The following SOCS7 variants were observed in gnomAD, a reference collection of about 807,000 sequenced individuals.
SOCS7 encodes the protein NAP-4.
SOCS7 carries 18 observed loss-of-function variants against 58.9 expected under a neutral mutation model. The observed-to-expected ratio is 0.31, with a 90% CI of 0.21 to 0.45. SOCS7 has a LOEUF of 0.45. Ranked by LOEUF, SOCS7 falls within the 20% of genes least tolerant of loss-of-function variation. The pLI is 1.00. For missense variants in SOCS7, 667 were observed against 837.3 expected, an observed-to-expected ratio of 0.80 and a Z score of 2.51; for synonymous variants, 388 against 364.3, an observed-to-expected ratio of 1.06 and a Z score of -0.74.
chr17:38,359,598 TTGG>T (rs2037687706), intron 1 of SOCS7, among the ~76,000 whole-genome samples: 2 of 152,090 alleles, frequency 1.3e-5, no homozygotes, highest in Non-Finnish European at 2.9e-5. Flanking sequence ...CCCCTCTCTA[TTGG>T]TGCAGTTTAT....
intron 7 of SOCS7, among the ~76,000 whole-genome samples, chr17:38,389,881 A>ATATGTG (rs2038139599): frequency 9.6e-6 from 1 of 103,630 alleles, no homozygotes; most frequent in East Asian, 2.6e-4. Context: ...ATATATATAT[A>ATATGTG]TGTACATATA....
chr17:38,381,946 CAAAAA>C (rs55949628), intron 7 of SOCS7, among the ~76,000 whole-genome samples: 4 of 17,672 alleles, frequency 2.3e-4, no homozygotes, highest in Non-Finnish European at 3.4e-4. Flanking sequence ...GACTCTGTCT[CAAAAA>C]AAAAAAAAAA....
chr17:38,355,349 A>C (rs1402149780), intron 1 of SOCS7, among the ~76,000 whole-genome samples: 1 of 152,194 alleles, frequency 6.6e-6, no homozygotes, highest in African/African-American at 2.4e-5. Flanking sequence ...AAGATAAGTA[A>C]TAGGACTGAG....
At chr17:38,367,090 G>A (rs765563972) in intron 5 of SOCS7, among the ~76,000 whole-genome samples, 1 of 152,102 alleles carries the variant, frequency 6.6e-6, no homozygotes, top group Non-Finnish European at 1.5e-5. Flanking sequence ...TTGAGACTGA[G>A]TTTCGCTCTT....
intron 1 of SOCS7, among the ~76,000 whole-genome samples, chr17:38,360,893 T>C (rs1027607420): frequency 6.6e-6 from 1 of 152,250 alleles, no homozygotes; most frequent in Non-Finnish European, 1.5e-5. Flanking sequence ...GAGGTGAGTT[T>C]TTTTGGTTTA....
chr17:38,354,344 C>T (rs1396790105), intron 1 of SOCS7, among the ~76,000 whole-genome samples: 1 of 152,114 alleles, frequency 6.6e-6, no homozygotes, highest in Non-Finnish European at 1.5e-5. Context: ...TTTTGAAAAG[C>T]CTAAGAGTTT....
Position 38,352,962 on chromosome 17 carries a change from G to A in SOCS7, c.910G>A (p.Glu304Lys). 6.2e-7 allele frequency: 1 copy of A among 1,607,784 alleles called. No individual in the cohort carries two copies. The highest frequency in any genetic ancestry group is 2.2e-5 in the East Asian group (1 of 44,756). ...GDGTGKRPSGELAASAASLTD... is the reference protein window; with the variant it reads ...GDGTGKRPSGKLAASAASLTD... ...TGGGACCGGCAAGAGGCCTTCTGGA[G>A]AGCTGGCTGCTTCAGCTGCGAGCCT... Residue 304 changes from glutamate to lysine, a missense_variant, in exon 1 of 10, where the codon GAG becomes AAG. Coordinates refer to ENST00000612932, the MANE Select transcript of SOCS7 (RefSeq NM_014598.4). The surrounding 1 kb of genome is among the most constrained non-coding windows in gnomAD (Gnocchi z 5.5).
intron 6 of SOCS7, among the ~76,000 whole-genome samples, chr17:38,377,155 T>C (rs1478640881): frequency 6.6e-6 from 1 of 152,234 alleles, no homozygotes; most frequent in Non-Finnish European, 1.5e-5. Context: ...ATATACATAA[T>C]AAGTACATCT....
chr17:38,364,679 T>C (rs942611952), intron 2 of SOCS7, 73 bp from the exon 3 acceptor site: 1 of 1,263,914 alleles, frequency 7.9e-7, no homozygotes, highest in Non-Finnish European at 1.2e-6. Flanking sequence ...GCTTGCCCTT[T>C]GCTTCCCTTT....
At chr17:38,353,531 A>C (rs1328703317) in intron 1 of SOCS7, among the ~76,000 whole-genome samples, 1 of 152,140 alleles carries the variant, frequency 6.6e-6, no homozygotes, top group Non-Finnish European at 1.5e-5. Flanking sequence ...CCTCTATTCA[A>C]AGTTTTACTG....
chr17:38,384,355 G>A (rs2038040432), intron 7 of SOCS7, among the ~76,000 whole-genome samples: 1 of 152,140 alleles, frequency 6.6e-6, no homozygotes. Flanking sequence ...TCAGGCTGGA[G>A]TACAGTAGTG....
chr17:38,359,455 G>T (rs144987870), intron 1 of SOCS7, among the ~76,000 whole-genome samples: 851 of 152,294 alleles, frequency 5.6e-3, no homozygotes, highest in Admixed American at 9.0e-3. Context: ...GATCTTCATG[G>T]TATGGTTTTA....
intron 1 of SOCS7, among the ~76,000 whole-genome samples, chr17:38,353,799 G>A (rs567199874): frequency 5.3e-5 from 8 of 152,218 alleles, no homozygotes; most frequent in African/African-American, 1.9e-4. Flanking sequence ...AAAATTAGGC[G>A]GGAGTGGTCC....
At chr17:38,353,276 G>T (rs1320200691) in intron 1 of SOCS7, among the ~76,000 whole-genome samples, 2 of 152,152 alleles carry the variant, frequency 1.3e-5, no homozygotes, top group African/African-American at 4.8e-5. Flanking sequence ...GTTGGAAGAT[G>T]GTTTCAGACC....
intron 4 of SOCS7, chr17:38,365,946 GGCT>G (rs2037783414): frequency 9.4e-7 from 1 of 1,064,390 alleles, no homozygotes; most frequent in Non-Finnish European, 1.1e-6. Flanking sequence ...CTATTTCCAA[GGCT>G]GCCTTATCGG....
chr17:38,358,740 A>G (rs587693296), intron 1 of SOCS7, among the ~76,000 whole-genome samples: 2 of 152,278 alleles, frequency 1.3e-5, no homozygotes, highest in East Asian at 1.9e-4. Context: ...GTAGCCTTTT[A>G]GCCTCCTAGA....
rs1241998970 is a variant in SOCS7, at chr17:38,353,028, G to A, written c.976G>A (p.Gly326Arg). 6.3e-7 allele frequency: 1 copy of A among 1,586,280 alleles called. No homozygotes were observed. Among genetic ancestry groups the A allele is most frequent in the Non-Finnish European group, 8.6e-7 (1 of 1,168,028 alleles). Reference protein sequence around the residue: ...GGSAGRELDAGRKPKLTRTQS... With the variant: ...GGSAGRELDARRKPKLTRTQS... ...CTCTGCGGGCCGGGAGCTGGACGCG[G>A]GGAGGTGAGACCGGCCGGGGGCTGG... The change falls in exon 1 of 10, where the codon GGG (glycine) becomes AGG (arginine). Residue 326 changes from glycine (G) to arginine (R), a missense_variant. Physicochemically the swap from Gly to Arg is moderately radical, Grantham distance 125. Transcript: ENST00000612932.
intron 7 of SOCS7, among the ~76,000 whole-genome samples, chr17:38,382,859 T>C (rs2038021171): frequency 6.6e-6 from 1 of 152,196 alleles, no homozygotes; most frequent in Admixed American, 6.5e-5. Context: ...AATTACTTGT[T>C]CAGTGACATG....
chr17:38,354,089 C>A (rs1567733826), intron 1 of SOCS7, among the ~76,000 whole-genome samples: 2 of 152,174 alleles, frequency 1.3e-5, no homozygotes, highest in African/African-American at 2.4e-5. Context: ...GACTGATCTT[C>A]GGCATCCAGT....
Sources: allele counts gnomAD v4.1 joint callset (sites outside exome capture counted in the v4.1 genomes callset), GRCh38; gene constraint gnomAD v4.1.1; non-coding constraint Gnocchi (gnomAD v3.1); transcripts MANE v1.5; gene names NCBI Gene and HGNC (gene_info 2026-07-23, HGNC 2026-07-21).